Variants in PDE6B observed in about 807,000 individuals in gnomAD.
PDE6B encodes phosphodiesterase 6B.
Under a neutral mutation model 109.0 loss-of-function variants are expected in PDE6B, and 106 were observed. The observed-to-expected ratio is 0.97, with a 90% CI of 0.83 to 1.14. PDE6B has a LOEUF of 1.14. Among genes scored for constraint, PDE6B ranks in the 50% most tolerant of loss-of-function variants. The pLI is 0.00. For synonymous variants in PDE6B, 490 were observed against 471.3 expected (o/e 1.04, Z -0.51); for missense variants, 1,193 against 1,155.6 (o/e 1.03, Z -0.47).
intron 2 of PDE6B, among the ~76,000 whole-genome samples, chr4:635,602 C>T (rs1056056719): frequency 2.0e-5 from 3 of 151,948 alleles, no homozygotes; most frequent in Non-Finnish European, 4.4e-5. Context: ...TTCTGTGCTG[C>T]GCGTCTGCTG....
In PDE6B at chr4:656,997, G is replaced by A; in HGVS notation, c.1231G>A (p.Asp411Asn). ...CAACAGGAAAGACGGGAAGCCCTTT[G>A]ACGAACAGGACGAGGTTCTCATGGA... ...FYNRKDGKPF[D>N]EQDEVLMESL... The change falls in exon 9 of 22, where the codon GAC becomes AAC. Residue 411 changes from aspartate (D) to asparagine (N), a missense_variant. Physicochemically the swap from Asp to Asn is conservative, Grantham distance 23 (BLOSUM62 1). Transcript: ENST00000496514. 2 of 1,613,286 alleles carry A rather than the reference G, an allele frequency of 1.2e-6. No homozygotes were observed. Among genetic ancestry groups the A allele is most frequent in the Non-Finnish European group, 1.7e-6 (2 of 1,179,986 alleles).
Position 638,452 on chromosome 4 carries a change from A to G in PDE6B, c.711+2483A>G, listed in dbSNP as rs868865999. Among the ~76,000 whole-genome samples, 4 of 152,116 alleles carry G rather than the reference A, an allele frequency of 2.6e-5. No individual in the cohort carries two copies. The South Asian group carries it at 8.3e-4, about 32-fold the overall frequency. On this transcript the variant is annotated intron_variant, in intron 3 of 21. Coordinates refer to ENST00000496514, the MANE Select transcript of PDE6B (RefSeq NM_000283.4). ...ATTCTCCTGCCTCAGCCTCCAGAGT[A>G]GCTGGGATTACAGGCGCCCACCACC...
At chr4:659,520 T>C (rs1041911593) in intron 11 of PDE6B, among the ~76,000 whole-genome samples, 1 of 150,536 alleles carries the variant, frequency 6.6e-6, no homozygotes, top group Non-Finnish European at 1.5e-5. Flanking sequence ...TGCATGTAGG[T>C]GTGTGTGCAC....
intron 3 of PDE6B, among the ~76,000 whole-genome samples, chr4:641,513 G>C (rs994755589): frequency 6.6e-6 from 1 of 152,212 alleles, no homozygotes; most frequent in African/African-American, 2.4e-5. Flanking sequence ...TACCGTCACA[G>C]CCACACTTTT....
At chr4:627,346 A>G (rs1046328148) in intron 1 of PDE6B, among the ~76,000 whole-genome samples, 1 of 152,032 alleles carries the variant, frequency 6.6e-6, no homozygotes, top group African/African-American at 2.4e-5. Flanking sequence ...GAGTTTCGTC[A>G]TGTTGGTCAG....
At position 664,125 on chromosome 4, in the gene PDE6B, T is replaced by G; in HGVS notation, c.2033T>G (p.Met678Arg). Residue 678 changes from methionine (M) to arginine (R), a missense_variant, in exon 17 of 22, where the codon ATG (methionine) becomes AGG (arginine). Coordinates refer to ENST00000496514, the MANE Select transcript of PDE6B (RefSeq NM_000283.4). ...TTCCCTGGGTTCAGGAAGAGAGCGATGTTTCAGAAGATCGTGGATGAGTCC... is the reference window on the plus strand; with the variant it reads ...TTCCCTGGGTTCAGGAAGAGAGCGAGGTTTCAGAAGATCGTGGATGAGTCC... ...DLALYFKKRAMFQKIVDESKN... is the reference protein window; with the variant it reads ...DLALYFKKRARFQKIVDESKN... 6.2e-7 allele frequency: 1 copy of G among 1,607,704 alleles called. No individual in the cohort carries two copies. The highest frequency in any genetic ancestry group is 8.5e-7 in the Non-Finnish European group (1 of 1,174,394).
rs972492492 is a variant in PDE6B at position 633,362 on chromosome 4, C to T, written c.469-1315C>T. On this transcript the variant is annotated intron_variant, in intron 1 of 21. Coordinates refer to ENST00000496514, the MANE Select transcript of PDE6B (RefSeq NM_000283.4). This position sits in a 1 kb window ranked among gnomAD's most constrained non-coding sequence, Gnocchi z 4.5. ...CTGGTTTTCCTTCAATGCCAGCCCA[C>T]ATGGCTATGGGCAGCAGCTGTATCT... is the stretch of plus-strand genomic sequence containing the variant. 1.3e-5 allele frequency among the ~76,000 whole-genome samples: 2 copies of T among 152,246 alleles called. No homozygotes were observed. Among genetic ancestry groups the T allele is most frequent in the Non-Finnish European group, 2.9e-5 (2 of 68,046 alleles).
At chr4:627,146 G>T (rs1734148792) in intron 1 of PDE6B, among the ~76,000 whole-genome samples, 1 of 150,616 alleles carries the variant, frequency 6.6e-6, no homozygotes, top group Non-Finnish European at 1.5e-5. Flanking sequence ...GTTTTCGTTT[G>T]TGGGTTTTTT....
chr4:655,342 G>A (rs1051030516), intron 6 of PDE6B: 2 of 278,686 alleles, frequency 7.2e-6, no homozygotes, highest in African/African-American at 2.2e-5. Flanking sequence ...CAGGACTCCA[G>A]CCAAGGGAGG....
At chr4:653,232 G>A (rs947906099) in intron 3 of PDE6B, 113 of 1,009,500 alleles carry the variant, frequency 1.1e-4, no homozygotes, top group African/African-American at 7.8e-4. Context: ...AGCGGCCGCC[G>A]CGAGTGTGAG....
intron 3 of PDE6B, among the ~76,000 whole-genome samples, chr4:646,691 C>T (rs1367183030): frequency 6.6e-6 from 1 of 152,024 alleles, no homozygotes; most frequent in Non-Finnish European, 1.5e-5. Flanking sequence ...CTCAGACACG[C>T]GCAGCCTCCG....
At position 636,490 on chromosome 4, in the gene PDE6B, C is replaced by T. The variant is rs1024209138; in HGVS notation, c.711+521C>T. 4.6e-5 allele frequency among the ~76,000 whole-genome samples: 7 copies of T among 151,954 alleles called. No homozygotes were observed. The highest frequency in any genetic ancestry group is 2.6e-4 in the Admixed American group (4 of 15,256). ...AGGTGTGCCGAGGTGCGTGGGAAAA[C>T]GCAGGGGGATGACCTCCAGGGCAGG... On this transcript the variant is annotated intron_variant, in intron 3 of 21. Coordinates refer to ENST00000496514, the MANE Select transcript of PDE6B (RefSeq NM_000283.4). This position sits in a 1 kb window ranked among gnomAD's most constrained non-coding sequence, Gnocchi z 4.5.
In PDE6B at chr4:655,149, G is replaced by A. The variant is rs1560120466; in HGVS notation, c.992+261G>A. Reference sequence around the variant, plus strand: ...CCGAGTCACTGTGGACATCCAGAGTGGACATACAGGGGACCAGGCAAGCTG... The same window carrying A: ...CCGAGTCACTGTGGACATCCAGAGTAGACATACAGGGGACCAGGCAAGCTG... On this transcript the variant is annotated intron_variant, in intron 6 of 21. Transcript: ENST00000496514. 10 of 551,598 alleles carry A rather than the reference G, an allele frequency of 1.8e-5. 1 individual carries two copies. In the South Asian group the frequency reaches 2.0e-4, roughly 11 times the overall value. The allele number at this position is 551,598 out of a possible 1,614,324, so 34.2% of individuals were successfully genotyped here.
chr4:664,033 C>A, intron 16 of PDE6B, 81 bp from the exon 17 acceptor site: 1 of 1,192,934 alleles, frequency 8.4e-7, no homozygotes, highest in Non-Finnish European at 1.3e-6. Flanking sequence ...GCTCGGGCTC[C>A]GCGCCTCCCT....
intron 12 of PDE6B, 57 bp downstream of exon 12, chr4:660,670 G>A (rs1736964147): frequency 1.3e-6 from 2 of 1,510,918 alleles, no homozygotes; most frequent in East Asian, 2.3e-5. Context: ...GGACATGGGG[G>A]TGGGGATGTG....
intron 20 of PDE6B, among the ~76,000 whole-genome samples, chr4:667,255 C>G (rs540146296): frequency 6.6e-6 from 1 of 151,550 alleles, no homozygotes; most frequent in Non-Finnish European, 1.5e-5. Flanking sequence ...GAGGATGCCA[C>G]GGGTTCCACA....
chr4:669,397 C>CCTACCCCATGCTATTCCCG (rs1738214500), intron 21 of PDE6B, among the ~76,000 whole-genome samples: 1 of 129,880 alleles, frequency 7.7e-6, no homozygotes, highest in Admixed American at 7.2e-5. Flanking sequence ...ATGCTATCCC[C>CCTACCCCATGCTATTCCCG]CTACCCCATG....
At position 667,866 on chromosome 4, in the gene PDE6B, G is replaced by A. The variant is rs777999727; in HGVS notation, c.2363G>A (p.Arg788His). ...CTCGACTCCCCTCAGGAGTTCTCTC[G>A]TTTCCACGAAGAGATCCTGCCCATG... ...VCTFVYKEFS[R>H]FHEEILPMFD... The change falls in exon 21 of 22, where the codon CGT (arginine) becomes CAT (histidine). Residue 788 changes from arginine to histidine, a missense_variant. By Grantham distance (29) the Arg-to-His change is conservative. Coordinates refer to ENST00000496514, the MANE Select transcript of PDE6B (RefSeq NM_000283.4). The A allele has an allele frequency of 6.0e-5, 96 of 1,613,036 alleles. No homozygotes were observed. In the East Asian group the frequency reaches 1.6e-3, roughly 27 times the overall value.
intron 11 of PDE6B, among the ~76,000 whole-genome samples, chr4:660,090 C>T (rs1020134350): frequency 1.3e-5 from 2 of 152,250 alleles, no homozygotes; most frequent in Non-Finnish European, 2.9e-5. Context: ...TGTGTGTCCA[C>T]ACCGGTGCCT....
Sources: gnomAD v4.1 joint callset for allele counts (sites outside exome capture counted in the v4.1 genomes callset) on GRCh38, gnomAD v4.1.1 for gene constraint, Gnocchi (gnomAD v3.1) non-coding constraint, MANE v1.5 for transcripts, NCBI Gene and HGNC (gene_info 2026-07-23, HGNC 2026-07-21) for gene names.